Variants in RFFL observed in about 807,000 individuals in gnomAD.
RFFL encodes ring finger and FYVE like domain containing E3 ubiquitin protein ligase, also known as E3 ubiquitin-protein ligase rififylin.
A neutral mutation model predicts 40.4 loss-of-function variants in RFFL; 16 were observed. That is an observed-to-expected ratio of 0.40 (90% confidence interval 0.27 to 0.60). The LOEUF is 0.60. Among genes scored for constraint, RFFL ranks in the 20% least tolerant of loss-of-function variants. The pLI, the probability that RFFL is intolerant of heterozygous loss-of-function variation, is 0.47. For synonymous variants in RFFL, 154 were observed against 167.9 expected (o/e 0.92, Z 0.64); for missense variants, 367 against 451.7 (o/e 0.81, Z 1.70).
At chr17:35,085,898 G>A (rs1425678314) in intron 1 of RFFL, among the ~76,000 whole-genome samples, 1 of 152,178 alleles carries the variant, frequency 6.6e-6, no homozygotes. Flanking sequence ...CAGTCTTAAC[G>A]AAGAGAAAGG....
intron 1 of RFFL, among the ~76,000 whole-genome samples, chr17:35,038,393 G>A (rs569674579): frequency 4.6e-5 from 7 of 152,008 alleles, no homozygotes; most frequent in South Asian, 4.2e-4. Context: ...GTGCGCGCGC[G>A]TGCATATACA....
At chr17:35,020,839 C>G (rs2091003948) in intron 3 of RFFL, among the ~76,000 whole-genome samples, 1 of 152,158 alleles carries the variant, frequency 6.6e-6, no homozygotes, top group Admixed American at 6.5e-5. Flanking sequence ...AATGAAGAAG[C>G]AGCATGCAAG....
Position 35,006,424 on chromosome 17 carries a change from T to TAA in RFFL, c.*5542_*5543dup, listed in dbSNP as rs939036448. 1 of 152,360 alleles carries TAA rather than the reference T, an allele frequency of 6.6e-6. No individual in the cohort carries two copies. The highest frequency in any genetic ancestry group is 2.4e-5 in the African/African-American group (1 of 41,448). The allele number at this position is 152,360 out of a possible 1,614,324, so 9.4% of individuals were successfully genotyped here. A position where few individuals can be genotyped will look rare whatever the true frequency, so the allele number is the denominator to read the frequency against. ...GGCTCTAACCTTAGGCAAGTTACGT[T>TAA]AACATCTAAGCCTCAATCCCTCCAA... On this transcript the variant is annotated 3_prime_UTR_variant, in exon 7 of 7. Transcript: ENST00000394597.
chr17:35,042,197 C>T (rs901550265), intron 1 of RFFL: 2 of 152,120 alleles, frequency 1.3e-5, no homozygotes, highest in Non-Finnish European at 2.9e-5. Flanking sequence ...TAAAAAATCA[C>T]AATGTCCTGA....
intron 1 of RFFL, among the ~76,000 whole-genome samples, chr17:35,035,276 G>A (rs1008781491): frequency 6.6e-6 from 1 of 151,988 alleles, no homozygotes; most frequent in Admixed American, 6.6e-5. Flanking sequence ...GGGCATGGTG[G>A]CACATGCCTG....
At chr17:35,046,466 T>C (rs2091200943) in intron 1 of RFFL, among the ~76,000 whole-genome samples, 1 of 152,144 alleles carries the variant, frequency 6.6e-6, no homozygotes, top group Non-Finnish European at 1.5e-5. Flanking sequence ...CTTCCCGACT[T>C]GCACAGCCCA....
In RFFL at chr17:35,011,784, C is replaced by G. The variant is rs910162558; in HGVS notation, c.*184G>C. ...AAGTTCCCACTGGCCTTGGGCTTTG[C>G]CAGCCAAGAGGTACACCCCTGGGAA... On this transcript the variant is annotated 3_prime_UTR_variant, in exon 7 of 7. Coordinates refer to ENST00000394597, the MANE Select transcript of RFFL (RefSeq NM_001017368.2). The G allele has an allele frequency of 5.0e-6, 3 of 602,800 alleles. No individual in the cohort carries two copies. In the African/African-American group the frequency reaches 5.6e-5, roughly 11 times the overall value. The allele number at this position is 602,800 out of a possible 1,614,324, so 37.3% of individuals were successfully genotyped here.
intron 1 of RFFL, among the ~76,000 whole-genome samples, chr17:35,088,402 T>C (rs1430682061): frequency 1.3e-5 from 2 of 152,178 alleles, no homozygotes; most frequent in African/African-American, 4.8e-5. Context: ...TCTGCCAGCC[T>C]GAACTCAAGC....
chr17:35,049,788 T>A (rs146693474), intron 1 of RFFL, among the ~76,000 whole-genome samples: 658 of 152,284 alleles, frequency 4.3e-3, no homozygotes, highest in Non-Finnish European at 6.7e-3. Context: ...CAGACTGTTA[T>A]TTAAAAGAAT....
At chr17:35,029,867 G>A (rs2091070994) in intron 1 of RFFL, among the ~76,000 whole-genome samples, 1 of 128,416 alleles carries the variant, frequency 7.8e-6, no homozygotes, top group African/African-American at 3.1e-5. Context: ...ACAGTCCCCA[G>A]AGTATGATGT....
intron 1 of RFFL, chr17:35,076,998 T>A: frequency 3.3e-6 from 1 of 302,818 alleles, no homozygotes; most frequent in Admixed American, 3.0e-5. Flanking sequence ...CAGCATCCAG[T>A]TCATCTTAAG....
upstream of RFFL, among the ~76,000 whole-genome samples, chr17:35,065,528 C>T (rs9902957): frequency 0.09 from 13,421 of 149,548 alleles, 1,862 homozygotes; most frequent in African/African-American, 0.3. Context: ...TGCACTCCAG[C>T]CTGGGCAACA....
At chr17:35,026,700 C>G in intron 1 of RFFL, 139 bp from the exon 2 acceptor site, 1 of 677,524 alleles carries the variant, frequency 1.5e-6, no homozygotes, top group Non-Finnish European at 2.4e-6. Context: ...TGTTTTCAAA[C>G]AGATTTTGTT....
At chr17:35,017,395 C>G (rs2090980753) in intron 4 of RFFL, 128 bp downstream of exon 4, 1 of 676,090 alleles carries the variant, frequency 1.5e-6, no homozygotes, top group African/African-American at 1.8e-5. Flanking sequence ...AACCCTACCC[C>G]AAAAATATAA....
upstream of RFFL, among the ~76,000 whole-genome samples, chr17:35,068,237 G>T (rs2142375118): frequency 6.6e-6 from 1 of 152,302 alleles, no homozygotes; most frequent in South Asian, 2.1e-4. Context: ...CAAACCATGG[G>T]ATGCTATATA....
intron 2 of RFFL, among the ~76,000 whole-genome samples, chr17:35,026,057 C>G (rs950480730): frequency 3.3e-5 from 5 of 152,214 alleles, no homozygotes; most frequent in African/African-American, 4.8e-5. Context: ...ATTCCCACAA[C>G]CCTGAAAGAT....
rs67047636 is a variant in RFFL at position 35,073,043 on chromosome 17, C to CAAAAA, written c.-9+16057_-9+16061dup. Among the ~76,000 whole-genome samples the CAAAAA allele has an allele frequency of 5.1e-4, 73 of 143,356 alleles. 1 individual carries two copies. The East Asian group carries it at 5.6e-3, about 11-fold the overall frequency. The allele number at this position is 143,356 out of a possible 152,430, so 94.0% of individuals were successfully genotyped here. A position where few individuals can be genotyped will look rare whatever the true frequency, so the allele number is the denominator to read the frequency against. The stretch of plus-strand genomic sequence containing the variant: ...GGGCAACAAGAGTGAAACTCCGTCT[C>CAAAAA]AAAAAAAAAAAACATGAAATTATTC... On this transcript the variant is annotated intron_variant, in intron 1 of 6. Coordinates refer to the RFFL transcript ENST00000315249.
intron 1 of RFFL, among the ~76,000 whole-genome samples, chr17:35,045,202 C>T (rs117753582): frequency 0.02 from 2,965 of 152,032 alleles, 50 homozygotes; most frequent in Middle Eastern, 0.061. Flanking sequence ...AGTACTGTAT[C>T]TAATCAACTG....
intron 2 of RFFL, among the ~76,000 whole-genome samples, chr17:35,025,702 C>T (rs566784607): frequency 4.7e-4 from 72 of 151,596 alleles, no homozygotes; most frequent in Non-Finnish European, 7.5e-4. Flanking sequence ...TGAGGGTTTA[C>T]CTTCTGCCTA....
Sources: gnomAD v4.1 joint callset for allele counts (sites outside exome capture counted in the v4.1 genomes callset) on GRCh38, gnomAD v4.1.1 for gene constraint, MANE v1.5 for transcripts, NCBI Gene and HGNC (gene_info 2026-07-23, HGNC 2026-07-21) for gene names.